Variants in ERC2 observed in about 807,000 individuals in gnomAD.
ERC2 encodes the protein ELKS/RAB6-interacting/CAST family member 2.
Under a neutral mutation model 114.8 loss-of-function variants are expected in ERC2, and 42 were observed. The ratio of observed to expected loss-of-function variants is 0.37; its 90% CI spans 0.29 to 0.47. The LOEUF is 0.47. Ranked by LOEUF, ERC2 falls within the 20% of genes least tolerant of loss-of-function variation. The probability of loss-of-function intolerance (pLI) is 0.99; values close to 1 mark genes in which losing one functional copy is unlikely to be tolerated. For synonymous variants in ERC2, 454 were observed against 425.5 expected (o/e 1.07, Z -0.82); for missense variants, 939 against 1,150.7 (o/e 0.82, Z 2.66).
chr3:55,972,176 T>C (rs2069209654), intron 12 of ERC2, among the ~76,000 whole-genome samples: 1 of 152,162 alleles, frequency 6.6e-6, no homozygotes, highest in Admixed American at 6.5e-5. Flanking sequence ...AAAGAAGTTA[T>C]CATCTTTATC....
intron 17 of ERC2, among the ~76,000 whole-genome samples, chr3:55,675,660 C>T (rs892930881): frequency 7.2e-5 from 11 of 152,172 alleles, no homozygotes; most frequent in Admixed American, 7.2e-4. Context: ...TGGATGGCTC[C>T]CCAAAGAGGC....
At chr3:56,407,994 A>G (rs1314338164) in intron 2 of ERC2, among the ~76,000 whole-genome samples, 3 of 152,126 alleles carry the variant, frequency 2.0e-5, no homozygotes, top group African/African-American at 7.2e-5. Context: ...CACAAAGCCA[A>G]AGGAGGTCCC....
intron 3 of ERC2, among the ~76,000 whole-genome samples, chr3:56,282,301 T>A (rs1409178093): frequency 6.6e-6 from 1 of 151,998 alleles, no homozygotes; most frequent in Non-Finnish European, 1.5e-5. Flanking sequence ...AGGAAAATGA[T>A]TAAGGTTAAA....
chr3:56,453,154 G>A (rs1188954162), intron 1 of ERC2, among the ~76,000 whole-genome samples: 3 of 152,192 alleles, frequency 2.0e-5, no homozygotes, highest in African/African-American at 7.2e-5. Context: ...TCTCCTTCCT[G>A]TGGGAAGATA....
chr3:56,121,757 A>G (rs1239175039), intron 6 of ERC2, among the ~76,000 whole-genome samples: 1 of 152,214 alleles, frequency 6.6e-6, no homozygotes, highest in Non-Finnish European at 1.5e-5. Context: ...TTATATGTGT[A>G]TATATATTTT....
At chr3:55,710,353 T>A (rs2063715055) in intron 15 of ERC2, among the ~76,000 whole-genome samples, 1 of 152,092 alleles carries the variant, frequency 6.6e-6, no homozygotes, top group Admixed American at 6.5e-5. Flanking sequence ...TGCGATAACT[T>A]ACCCCCCCAA....
chr3:56,019,346 G>C (rs1268803125), intron 7 of ERC2, among the ~76,000 whole-genome samples: 1 of 152,050 alleles, frequency 6.6e-6, no homozygotes, highest in Admixed American at 6.6e-5. Context: ...GTCTCAAGTC[G>C]ATAGGCTTGA....
intron 6 of ERC2, among the ~76,000 whole-genome samples, chr3:56,138,051 C>CTTTTTT (rs920983143): frequency 1.2e-4 from 11 of 92,632 alleles, no homozygotes; most frequent in South Asian, 3.6e-4. Context: ...AATGGTATTT[C>CTTTTTT]TTTTTTTTTT....
intron 3 of ERC2, among the ~76,000 whole-genome samples, chr3:56,220,304 C>T (rs766419549): frequency 6.6e-6 from 1 of 152,122 alleles, no homozygotes; most frequent in Non-Finnish European, 1.5e-5. Flanking sequence ...TATTCTGATG[C>T]CATGAAATGC....
chr3:56,368,328 T>C (rs1056084498), intron 2 of ERC2, among the ~76,000 whole-genome samples: 6 of 152,306 alleles, frequency 3.9e-5, no homozygotes, highest in Admixed American at 6.5e-5. Flanking sequence ...TCAGAGATCA[T>C]TGGTAGCTCT....
At chr3:55,572,713 C>G (rs1010696275) in intron 17 of ERC2, among the ~76,000 whole-genome samples, 3 of 152,156 alleles carry the variant, frequency 2.0e-5, no homozygotes, top group African/African-American at 7.2e-5. Context: ...TAAACCCCTG[C>G]TATCTAGCTT....
chr3:55,612,177 GT>G (rs1559741627), intron 17 of ERC2, among the ~76,000 whole-genome samples: 1 of 152,150 alleles, frequency 6.6e-6, no homozygotes, highest in African/African-American at 2.4e-5. Context: ...TGAGTTGTGC[GT>G]TTTTTGGTGG....
At chr3:55,753,475 A>G (rs1280564200) in intron 14 of ERC2, among the ~76,000 whole-genome samples, 4 of 152,222 alleles carry the variant, frequency 2.6e-5, no homozygotes, top group African/African-American at 7.2e-5. Flanking sequence ...GGGCATTACT[A>G]TCAGGGGCAT....
At chr3:55,876,053 T>C (rs2062821286) in intron 14 of ERC2, among the ~76,000 whole-genome samples, 1 of 152,196 alleles carries the variant, frequency 6.6e-6, no homozygotes, top group Non-Finnish European at 1.5e-5. Context: ...ATAATTTTCA[T>C]CAACATTCAT....
chr3:55,554,699 C>G (rs1401359660), intron 17 of ERC2, among the ~76,000 whole-genome samples: 1 of 152,232 alleles, frequency 6.6e-6, no homozygotes, highest in Admixed American at 6.5e-5. Context: ...TCCCAGGGGG[C>G]TGGGTTCCCA....
chr3:55,806,246 A>T (rs2059482752), intron 14 of ERC2, among the ~76,000 whole-genome samples: 1 of 151,928 alleles, frequency 6.6e-6, no homozygotes. Context: ...GAAGCAGAAG[A>T]ATTGCTTGAA....
chr3:55,680,339 T>C (rs1471095955), intron 17 of ERC2, among the ~76,000 whole-genome samples: 3 of 152,230 alleles, frequency 2.0e-5, no homozygotes, highest in Non-Finnish European at 2.9e-5. Flanking sequence ...AACATTCAAA[T>C]GTCGAGGCAG....
At chr3:56,414,211 G>C (rs1434975509) in intron 2 of ERC2, among the ~76,000 whole-genome samples, 4 of 152,148 alleles carry the variant, frequency 2.6e-5, no homozygotes, top group East Asian at 3.9e-4. Context: ...TAATCTACTG[G>C]GAACTTTTCT....
intron 17 of ERC2, among the ~76,000 whole-genome samples, chr3:55,561,013 A>C (rs1451748383): frequency 6.6e-6 from 1 of 151,996 alleles, no homozygotes; most frequent in East Asian, 1.9e-4. Flanking sequence ...CCTCCTCTTC[A>C]TGGCTTGGGA....
Sources: allele counts gnomAD v4.1 joint callset (sites outside exome capture counted in the v4.1 genomes callset), GRCh38; gene constraint gnomAD v4.1.1; transcripts MANE v1.5; gene names NCBI Gene and HGNC (gene_info 2026-07-23, HGNC 2026-07-21).